The following PTPRG variants were observed in gnomAD, a reference collection of about 807,000 sequenced individuals.
The protein encoded by PTPRG is protein tyrosine phosphatase receptor type G, also known as receptor-type tyrosine-protein phosphatase gamma.
Under a neutral mutation model 165.3 loss-of-function variants are expected in PTPRG, and 102 were observed. The ratio of observed to expected loss-of-function variants is 0.62; its 90% CI spans 0.53 to 0.73. PTPRG has a LOEUF of 0.73. Among genes scored for constraint, PTPRG ranks in the 30% least tolerant of loss-of-function variants. The pLI is 0.00. For missense variants in PTPRG, 1,866 were observed against 1,861.4 expected (o/e 1.00, Z -0.05); for synonymous variants, 675 against 669.5 (o/e 1.01, Z -0.13).
intron 1 of PTPRG, among the ~76,000 whole-genome samples, chr3:61,716,974 CAA>C (rs943785913): frequency 7.9e-5 from 12 of 152,036 alleles, no homozygotes; most frequent in African/African-American, 2.7e-4. Context: ...TCCATGTCAA[CAA>C]AAAATAAAAA....
chr3:61,711,294 G>C (rs2031542161), intron 1 of PTPRG, among the ~76,000 whole-genome samples: 1 of 152,128 alleles, frequency 6.6e-6, no homozygotes, highest in African/African-American at 2.4e-5. Flanking sequence ...CCCAGTAATG[G>C]GATTGCTGGG....
intron 2 of PTPRG, among the ~76,000 whole-genome samples, chr3:61,976,890 T>C (rs1406376843): frequency 2.0e-5 from 3 of 152,080 alleles, no homozygotes; most frequent in Non-Finnish European, 4.4e-5. Flanking sequence ...GGCCAGCCTG[T>C]CCTTCAACTG....
chr3:61,577,791 T>C (rs1700200471), intron 1 of PTPRG, among the ~76,000 whole-genome samples: 1 of 152,214 alleles, frequency 6.6e-6, no homozygotes, highest in African/African-American at 2.4e-5. Flanking sequence ...GATTACCTGT[T>C]TTCTCTTCCC....
chr3:61,828,874 A>G (rs551394641), intron 2 of PTPRG, among the ~76,000 whole-genome samples: 60 of 152,212 alleles, frequency 3.9e-4, no homozygotes, highest in African/African-American at 1.3e-3. Flanking sequence ...AATAACCTAT[A>G]TTTCCTTTTT....
Position 61,953,995 on chromosome 3 carries a change from T to C in PTPRG, c.191-35630T>C, listed in dbSNP as rs182940822. ...CTAAGTTGCAAACCAGCTGCAAATA[T>C]GTAGTACTCCCTTGGATGAAGAGTG... On this transcript the variant is annotated intron_variant, in intron 2 of 29. Transcript: ENST00000474889. 3.4e-3 allele frequency among the ~76,000 whole-genome samples: 520 copies of C among 152,304 alleles called. 4 individuals carry two copies. The highest frequency in any genetic ancestry group is 0.02 in the Middle Eastern group (6 of 294).
At chr3:61,933,327 T>C (rs755168639) in intron 2 of PTPRG, among the ~76,000 whole-genome samples, 1 of 152,238 alleles carries the variant, frequency 6.6e-6, no homozygotes, top group Non-Finnish European at 1.5e-5. Flanking sequence ...ATCTTTTTTA[T>C]TCTTTTTTGC....
chr3:61,562,034 C>G lies in PTPRG; in HGVS notation c.-254C>G, dbSNP rs1315155536. 3 of 466,758 alleles carry G rather than the reference C, an allele frequency of 6.4e-6. No homozygotes were observed. Among genetic ancestry groups the G allele is most frequent in the Non-Finnish European group, 1.2e-5 (3 of 260,656 alleles). 28.9% of individuals were successfully genotyped at this position (466,758 alleles called of 1,614,324 possible). On this transcript the variant is annotated 5_prime_UTR_variant, in exon 1 of 30. Transcript: ENST00000474889. ...CCCGATCGGCTCTCTCCTTTTTAAA[C>G]GGAAAGCAGCCTTTCTCCGCCGAGA...
chr3:62,230,944 T>C (rs535629776), intron 13 of PTPRG, among the ~76,000 whole-genome samples: 1 of 152,328 alleles, frequency 6.6e-6, no homozygotes, highest in South Asian at 2.1e-4. Context: ...GTGTTTGTGA[T>C]ATCCTAACCT....
chr3:62,123,160 A>G (rs1427689171), intron 5 of PTPRG, among the ~76,000 whole-genome samples: 2 of 152,316 alleles, frequency 1.3e-5, no homozygotes, highest in East Asian at 1.9e-4. Context: ...TGGGACTATG[A>G]TCTCATCCGA....
At chr3:61,792,831 C>G (rs1174047875) in intron 2 of PTPRG, among the ~76,000 whole-genome samples, 4 of 151,804 alleles carry the variant, frequency 2.6e-5, no homozygotes, top group Non-Finnish European at 5.9e-5. Flanking sequence ...TGGGTTCAAG[C>G]GATTCCCTTG....
chr3:62,102,120 T>G (rs2106829298), intron 5 of PTPRG, among the ~76,000 whole-genome samples: 1 of 152,316 alleles, frequency 6.6e-6, no homozygotes, highest in East Asian at 1.9e-4. Context: ...TCATTGTGTG[T>G]TCTCACATGT....
chr3:62,030,607 C>T (rs950978316), intron 4 of PTPRG, among the ~76,000 whole-genome samples: 3 of 152,104 alleles, frequency 2.0e-5, no homozygotes, highest in African/African-American at 7.2e-5. Context: ...CAAGTGAGCA[C>T]TGGAGGAGGC....
chr3:62,083,449 T>A (rs1385638582), intron 5 of PTPRG, among the ~76,000 whole-genome samples: 1 of 152,190 alleles, frequency 6.6e-6, no homozygotes, highest in Non-Finnish European at 1.5e-5. Flanking sequence ...TGCAGCAACC[T>A]AAAATGCTGT....
At chr3:62,066,946 G>A (rs1701033215) in intron 4 of PTPRG, among the ~76,000 whole-genome samples, 1 of 150,888 alleles carries the variant, frequency 6.6e-6, no homozygotes, top group Non-Finnish European at 1.5e-5. Context: ...GCGGAGGCAG[G>A]AGAATCACCT....
chr3:62,014,822 C>G (rs553828685), intron 4 of PTPRG, among the ~76,000 whole-genome samples: 1 of 152,276 alleles, frequency 6.6e-6, no homozygotes, highest in South Asian at 2.1e-4. Flanking sequence ...ATAGTCAGCA[C>G]CCATCGAAAA....
At chr3:61,589,798 T>G (rs1700523323) in intron 1 of PTPRG, among the ~76,000 whole-genome samples, 1 of 151,990 alleles carries the variant, frequency 6.6e-6, no homozygotes, top group Non-Finnish European at 1.5e-5. Flanking sequence ...GATAGGTGGA[T>G]AGTGGACAGC....
chr3:61,953,803 G>C (rs2039959530), intron 2 of PTPRG, among the ~76,000 whole-genome samples: 2 of 152,168 alleles, frequency 1.3e-5, no homozygotes, highest in South Asian at 4.1e-4. Flanking sequence ...TGTGTATGTA[G>C]AGTAAGAAGT....
intron 2 of PTPRG, among the ~76,000 whole-genome samples, chr3:61,818,882 AAATAGTG>A (rs1173449833): frequency 7.7e-5 from 9 of 117,368 alleles, no homozygotes; most frequent in Admixed American, 5.2e-4. Context: ...GTGAATAGTG[AAATAGTG>A]AATAGTGAAA....
rs544664848 is a variant in PTPRG, at chr3:61,715,131, G to GTAC, written c.86-33746_86-33744dup. Among the ~76,000 whole-genome samples, 157 of 151,866 alleles carry GTAC rather than the reference G, an allele frequency of 1.0e-3. 1 individual carries two copies. Among genetic ancestry groups the GTAC allele is most frequent in the Non-Finnish European group, 1.9e-3 (130 of 67,958 alleles). ...TAAAGCCGGGATGGTCTGGTCATAG[G>GTAC]TACAGCTTCTGCTACAGAGAGAATC... On this transcript the variant is annotated intron_variant, in intron 1 of 29. Coordinates refer to ENST00000474889, the MANE Select transcript of PTPRG (RefSeq NM_002841.4).
Sources: allele counts gnomAD v4.1 joint callset (sites outside exome capture counted in the v4.1 genomes callset), GRCh38; gene constraint gnomAD v4.1.1; transcripts MANE v1.5; gene names NCBI Gene and HGNC (gene_info 2026-07-23, HGNC 2026-07-21).